CNIH3: variants seen among roughly 807,000 people sequenced by gnomAD.
CNIH3 encodes the protein cornichon family AMPA receptor auxiliary protein 3.
Under a neutral mutation model 24.1 loss-of-function variants are expected in CNIH3, and 14 were observed. That is an observed-to-expected ratio of 0.58 (90% CI 0.38 to 0.91). The LOEUF (loss-of-function observed/expected upper bound fraction) is 0.91, where lower values mean the gene tolerates loss of function less well. Ranked by LOEUF, CNIH3 falls within the 40% of genes least tolerant of loss-of-function variation. CNIH3 has a pLI of 0.00. For missense variants in CNIH3, 178 were observed against 196.8 expected (o/e 0.90, Z 0.57); for synonymous variants, 68 against 73.8 (o/e 0.92, Z 0.40).
upstream of CNIH3, among the ~76,000 whole-genome samples, chr1:224,614,771 A>AC (rs1464761718): frequency 6.6e-6 from 1 of 151,930 alleles, no homozygotes; most frequent in Non-Finnish European, 1.5e-5. Context: ...ACATGGTGAA[A>AC]CCCCGTCTTT....
upstream of CNIH3, among the ~76,000 whole-genome samples, chr1:224,614,078 C>T (rs1682827932): frequency 6.6e-6 from 1 of 152,064 alleles, no homozygotes; most frequent in Non-Finnish European, 1.5e-5. Context: ...GGGGTTTCTG[C>T]CATGTTGTCC....
In CNIH3 at chr1:224,585,256, A is replaced by C. The variant is rs191952968; in HGVS notation, n.620+1989A>C. ...TCGCTTATTTTTCCAGGCCTGTCTTAACGTCTCAATGTCTCCTCTACCGCA... is the reference window on the plus strand; with the variant it reads ...TCGCTTATTTTTCCAGGCCTGTCTTCACGTCTCAATGTCTCCTCTACCGCA... On this transcript the variant is annotated intron_variant and non_coding_transcript_variant, in intron 5 of 5. Transcript: ENST00000471578. Among the ~76,000 whole-genome samples the C allele has an allele frequency of 3.3e-5, 5 of 152,190 alleles. No individual in the cohort carries two copies. The East Asian group carries it at 9.7e-4, about 29-fold the overall frequency.
intron 1 of CNIH3, among the ~76,000 whole-genome samples, chr1:224,654,664 T>C (rs1490519130): frequency 2.6e-5 from 4 of 152,200 alleles, no homozygotes. Context: ...TTTAGTTACT[T>C]AGGGACACAC....
intron 1 of CNIH3, 24 bp from the exon 2 acceptor site, chr1:224,680,934 T>G (rs1266667888): frequency 1.9e-6 from 3 of 1,596,132 alleles, no homozygotes; most frequent in Non-Finnish European, 8.6e-7. Flanking sequence ...CACTAACACC[T>G]CAAATCTCTG....
chr1:224,719,743 A>C (rs1688613942), intron 3 of CNIH3, among the ~76,000 whole-genome samples: 1 of 152,240 alleles, frequency 6.6e-6, no homozygotes, highest in Admixed American at 6.5e-5. Flanking sequence ...TAATAGTCCA[A>C]GCTACAGCCC....
intron 1 of CNIH3, among the ~76,000 whole-genome samples, chr1:224,457,721 T>C (rs1007927348): frequency 4.6e-5 from 7 of 152,166 alleles, no homozygotes; most frequent in Non-Finnish European, 1.0e-4. Context: ...GGTGGTCATT[T>C]CAAAAACTGC....
intron 4 of CNIH3, among the ~76,000 whole-genome samples, chr1:224,570,165 A>T (rs1035054327): frequency 2.6e-5 from 4 of 152,212 alleles, no homozygotes; most frequent in Admixed American, 6.5e-5. Flanking sequence ...AATGATTTTT[A>T]AAATAATTTC....
intron 1 of CNIH3, among the ~76,000 whole-genome samples, chr1:224,471,772 A>G (rs1448238209): frequency 6.6e-6 from 1 of 151,912 alleles, no homozygotes; most frequent in African/African-American, 2.4e-5. Flanking sequence ...TTGTATTTTT[A>G]GTAGAGACGG....
rs112289225 is a variant in CNIH3, at chr1:224,445,535, C to T, written n.203+10673C>T. On this transcript the variant is annotated intron_variant and non_coding_transcript_variant, in intron 1 of 5. Coordinates refer to the CNIH3 transcript ENST00000471578. ...AGGTTGCAATGAGCTGAGATCATGC[C>T]ACTGCATTCCAGCTTGGGTGACAGA... is the stretch of plus-strand genomic sequence containing the variant. Among the ~76,000 whole-genome samples, 128 of 139,302 alleles carry T rather than the reference C, an allele frequency of 9.2e-4. 1 individual carries two copies. The highest frequency in any genetic ancestry group is 3.3e-3 in the African/African-American group (123 of 36,838). The allele number at this position is 139,302 out of a possible 152,430, so 91.4% of individuals were successfully genotyped here.
intron 1 of CNIH3, among the ~76,000 whole-genome samples, chr1:224,490,874 CA>C (rs915957561): frequency 1.3e-4 from 20 of 151,514 alleles, no homozygotes; most frequent in African/African-American, 3.9e-4. Context: ...AAATTTAAGA[CA>C]AAAAAAAGAG....
At chr1:224,582,566 A>G (rs973775689) in intron 4 of CNIH3, among the ~76,000 whole-genome samples, 2 of 152,240 alleles carry the variant, frequency 1.3e-5, no homozygotes, top group East Asian at 3.8e-4. Context: ...GTGTACATGT[A>G]ATGAAATGGA....
chr1:224,597,525 T>C (rs1682035435), intron 3 of CNIH3, among the ~76,000 whole-genome samples: 1 of 152,208 alleles, frequency 6.6e-6, no homozygotes, highest in South Asian at 2.1e-4. Context: ...CAGTCATGCC[T>C]ACCCAAAGAA....
At chr1:224,737,808 T>C (rs2125251822) in intron 5 of CNIH3, among the ~76,000 whole-genome samples, 1 of 152,324 alleles carries the variant, frequency 6.6e-6, no homozygotes, top group South Asian at 2.1e-4. Flanking sequence ...TCTATCCTGT[T>C]TGAACCGCAT....
intron 1 of CNIH3, among the ~76,000 whole-genome samples, chr1:224,440,189 G>A (rs995270067): frequency 6.6e-6 from 1 of 152,154 alleles, no homozygotes; most frequent in Non-Finnish European, 1.5e-5. Context: ...CCAAAGTGCT[G>A]GGATTACAGG....
At chr1:224,469,603 G>A (rs537862550) in intron 1 of CNIH3, among the ~76,000 whole-genome samples, 14 of 152,264 alleles carry the variant, frequency 9.2e-5, no homozygotes, top group Admixed American at 8.5e-4. Context: ...CAAACTTCAG[G>A]CTCAAGCAAT....
At chr1:224,554,453 T>C (rs1376799599) in intron 3 of CNIH3, among the ~76,000 whole-genome samples, 3 of 152,220 alleles carry the variant, frequency 2.0e-5, no homozygotes, top group African/African-American at 2.4e-5. Flanking sequence ...CCACTGAGGA[T>C]TGAAAAGATT....
At chr1:224,444,076 A>C (rs573395113) in intron 1 of CNIH3, among the ~76,000 whole-genome samples, 54 of 152,340 alleles carry the variant, frequency 3.5e-4, no homozygotes, top group South Asian at 4.1e-4. Context: ...TATGATAGCT[A>C]TCATCTATGC....
At chr1:224,557,131 T>C (rs893784401) in intron 3 of CNIH3, among the ~76,000 whole-genome samples, 1 of 152,100 alleles carries the variant, frequency 6.6e-6, no homozygotes, top group Non-Finnish European at 1.5e-5. Flanking sequence ...AGCCTCCAAC[T>C]CTCAGGCTCA....
downstream of CNIH3, among the ~76,000 whole-genome samples, chr1:224,589,807 TA>T (rs1681673631): frequency 2.6e-5 from 4 of 152,048 alleles, no homozygotes; most frequent in Admixed American, 2.6e-4. Flanking sequence ...CCAGCTCCTC[TA>T]AAGAGGTTGC....
Sources: gnomAD v4.1 joint callset for allele counts (sites outside exome capture counted in the v4.1 genomes callset) on GRCh38, gnomAD v4.1.1 for gene constraint, MANE v1.5 for transcripts, NCBI Gene and HGNC (gene_info 2026-07-23, HGNC 2026-07-21) for gene names.